Variants in PRKG1 observed in about 807,000 individuals in gnomAD.
PRKG1 encodes cGMP-dependent protein kinase 1.
Under a neutral mutation model 88.1 loss-of-function variants are expected in PRKG1, and 35 were observed. That is an observed-to-expected ratio of 0.40 (90% confidence interval 0.30 to 0.53). The LOEUF is 0.53. Among genes scored for constraint, PRKG1 ranks in the 20% least tolerant of loss-of-function variants. The pLI is 0.59. For missense variants in PRKG1, 540 were observed against 839.8 expected (o/e 0.64, Z 4.41); for synonymous variants, 303 against 292.5 (o/e 1.04, Z -0.37).
At chr10:51,611,067 A>C (rs1838894004) in intron 3 of PRKG1, among the ~76,000 whole-genome samples, 1 of 151,970 alleles carries the variant, frequency 6.6e-6, no homozygotes, top group Admixed American at 6.6e-5. Flanking sequence ...AAAAAAAAAA[A>C]GTAGTGCTGC....
chr10:51,711,372 A>G (rs1159917914), intron 3 of PRKG1, among the ~76,000 whole-genome samples: 1 of 150,980 alleles, frequency 6.6e-6, no homozygotes, highest in East Asian at 2.0e-4. Flanking sequence ...CCAAAGTGCT[A>G]GGATTACAGG....
At chr10:52,095,869 TTCTAACTAGTGATACG>T (rs1847160152) in intron 7 of PRKG1, among the ~76,000 whole-genome samples, 1 of 152,348 alleles carries the variant, frequency 6.6e-6, no homozygotes, top group East Asian at 1.9e-4. Context: ...GTAATGTACT[TTCTAACTAGTGATACG>T]TTAGTGATAT....
intron 2 of PRKG1, among the ~76,000 whole-genome samples, chr10:51,435,509 T>C (rs182350871): frequency 6.6e-6 from 1 of 151,404 alleles, no homozygotes; most frequent in African/African-American, 2.4e-5. Context: ...CTCTTGCTTG[T>C]ATTTTTCACT....
At chr10:51,269,119 A>G (rs773813513) in intron 2 of PRKG1, among the ~76,000 whole-genome samples, 1 of 152,200 alleles carries the variant, frequency 6.6e-6, no homozygotes, top group Non-Finnish European at 1.5e-5. Context: ...ATATGAAAAA[A>G]TCCTCAACAT....
intron 1 of PRKG1, among the ~76,000 whole-genome samples, chr10:51,152,456 A>G (rs542998329): frequency 3.3e-5 from 5 of 152,196 alleles, no homozygotes; most frequent in Admixed American, 3.3e-4. Flanking sequence ...TAGGAATCCA[A>G]TTCTTTTTTA....
At chr10:51,952,739 A>G (rs898145866) in intron 5 of PRKG1, among the ~76,000 whole-genome samples, 2 of 152,184 alleles carry the variant, frequency 1.3e-5, no homozygotes, top group African/African-American at 2.4e-5. Flanking sequence ...CAACCCTGTC[A>G]CTTACTAATT....
intron 3 of PRKG1, among the ~76,000 whole-genome samples, chr10:51,749,119 TG>T (rs1837653553): frequency 6.6e-6 from 1 of 152,206 alleles, no homozygotes; most frequent in Non-Finnish European, 1.5e-5. Context: ...AAGATAAGAT[TG>T]TGAAACATAC....
intron 3 of PRKG1, among the ~76,000 whole-genome samples, chr10:51,615,600 T>C (rs1167269867): frequency 1.3e-5 from 2 of 151,884 alleles, no homozygotes; most frequent in Non-Finnish European, 2.9e-5. Context: ...TAGTCTATTT[T>C]TGAAACTTTC....
intron 2 of PRKG1, among the ~76,000 whole-genome samples, chr10:51,301,257 T>C (rs1840877768): frequency 6.6e-6 from 1 of 152,112 alleles, no homozygotes; most frequent in South Asian, 2.1e-4. Flanking sequence ...TAATATTGGC[T>C]GAAGGGTATT....
chr10:51,621,635 A>G (rs909275893), intron 3 of PRKG1, among the ~76,000 whole-genome samples: 13 of 152,166 alleles, frequency 8.5e-5, no homozygotes, highest in Non-Finnish European at 1.6e-4. Context: ...CAAAACCTCT[A>G]TCTCTCTTTT....
At chr10:51,718,241 C>T (rs1250544854) in intron 3 of PRKG1, among the ~76,000 whole-genome samples, 1 of 152,118 alleles carries the variant, frequency 6.6e-6, no homozygotes, top group African/African-American at 2.4e-5. Flanking sequence ...CTGAAAAGGT[C>T]GCTTCTAAGC....
chr10:51,273,704 G>A (rs548380074), intron 2 of PRKG1, among the ~76,000 whole-genome samples: 1 of 152,270 alleles, frequency 6.6e-6, no homozygotes, highest in African/African-American at 2.4e-5. Context: ...GCAGAGTGTG[G>A]CAACCCTTGG....
intron 1 of PRKG1, among the ~76,000 whole-genome samples, chr10:51,143,174 T>G (rs1845862091): frequency 6.6e-6 from 1 of 152,070 alleles, no homozygotes; most frequent in South Asian, 2.1e-4. Context: ...ACCCTCCTCC[T>G]CCCTAGTTCT....
In PRKG1 at chr10:51,244,423, A is replaced by T. The variant is rs1438533963; in HGVS notation, c.478+91093A>T. ...TGAGGTCACCCTCATGTCTAGGGGGATATGTAGAGTAGATCATATTTATTT... is the reference window on the plus strand; with the variant it reads ...TGAGGTCACCCTCATGTCTAGGGGGTTATGTAGAGTAGATCATATTTATTT... On this transcript the variant is annotated intron_variant, in intron 2 of 17. Coordinates refer to ENST00000373980, the MANE Select transcript of PRKG1 (RefSeq NM_006258.4). 2.0e-5 allele frequency among the ~76,000 whole-genome samples: 3 copies of T among 150,052 alleles called. No homozygotes were observed. The East Asian group carries it at 5.9e-4, about 29-fold the overall frequency.
At position 51,735,204 on chromosome 10, in the gene PRKG1, G is replaced by T. The variant is rs1276647202; in HGVS notation, c.593-69381G>T. Among the ~76,000 whole-genome samples the T allele has an allele frequency of 3.3e-5, 5 of 152,136 alleles. No homozygotes were observed. In the South Asian group the frequency reaches 1.0e-3, roughly 31 times the overall value. ...TATCTTTATGTATTGTTTGCTACAT[G>T]TGTTTCTTTTATGAAGAATACTTTC... On this transcript the variant is annotated intron_variant, in intron 3 of 17. Coordinates refer to ENST00000373980, the MANE Select transcript of PRKG1 (RefSeq NM_006258.4).
At chr10:51,186,307 T>C (rs937384108) in intron 2 of PRKG1, among the ~76,000 whole-genome samples, 1 of 151,990 alleles carries the variant, frequency 6.6e-6, no homozygotes, top group Admixed American at 6.6e-5. Flanking sequence ...CTGTTTCTCT[T>C]GGTGTTTTTT....
intron 3 of PRKG1, among the ~76,000 whole-genome samples, chr10:51,486,742 A>G (rs117319920): frequency 2.0e-5 from 3 of 152,278 alleles, no homozygotes; most frequent in Non-Finnish European, 4.4e-5. Flanking sequence ...ATACTTTACC[A>G]TCATTAACAA....
At chr10:51,736,605 C>CTTTT (rs555514944) in intron 3 of PRKG1, among the ~76,000 whole-genome samples, 4 of 137,672 alleles carry the variant, frequency 2.9e-5, no homozygotes, top group African/African-American at 1.1e-4. Flanking sequence ...ATCCATCTTA[C>CTTTT]TTTTTTTTTT....
intron 3 of PRKG1, among the ~76,000 whole-genome samples, chr10:51,752,878 C>G (rs1033160751): frequency 3.3e-5 from 5 of 152,002 alleles, no homozygotes; most frequent in Non-Finnish European, 7.4e-5. Context: ...TTGAGTAGTT[C>G]CTACACAATT....
Sources: allele counts gnomAD v4.1 joint callset (sites outside exome capture counted in the v4.1 genomes callset), GRCh38; gene constraint gnomAD v4.1.1; transcripts MANE v1.5; gene names NCBI Gene and HGNC (gene_info 2026-07-23, HGNC 2026-07-21).